OXR1: variants seen among roughly 807,000 people sequenced by gnomAD.
The protein encoded by OXR1 is oxidation resistance 1, also known as oxidation resistance protein 1.
A neutral mutation model predicts 104.6 loss-of-function variants in OXR1; 41 were observed. That is an observed-to-expected ratio of 0.39 (90% confidence interval 0.31 to 0.51). The LOEUF (loss-of-function observed/expected upper bound fraction) is 0.51, where lower values mean the gene tolerates loss of function less well. OXR1 is among the 20% of genes least tolerant of loss of function. The probability of loss-of-function intolerance (pLI) is 0.77; values close to 1 mark genes in which losing one functional copy is unlikely to be tolerated. For synonymous variants in OXR1, 348 were observed against 348.4 expected, an observed-to-expected ratio of 1.00 and a Z score of 0.01; for missense variants, 955 against 1,031.9, an observed-to-expected ratio of 0.93 and a Z score of 1.02.
intron 3 of OXR1, among the ~76,000 whole-genome samples, chr8:106,546,692 CA>C (rs1815385844): frequency 6.6e-6 from 1 of 152,066 alleles, no homozygotes; most frequent in Non-Finnish European, 1.5e-5. Flanking sequence ...CAGTGCTCTA[CA>C]TAAGGTAAGG....
intron 2 of OXR1, among the ~76,000 whole-genome samples, chr8:106,480,294 T>C (rs1468538836): frequency 6.6e-6 from 1 of 152,016 alleles, no homozygotes; most frequent in African/African-American, 2.4e-5. Context: ...TGTCCAATTA[T>C]CTTGCTTCTA....
intron 6 of OXR1, among the ~76,000 whole-genome samples, chr8:106,691,246 T>C (rs1255097376): frequency 1.3e-5 from 2 of 151,932 alleles, no homozygotes; most frequent in African/African-American, 4.8e-5. Context: ...AAAACAAAAT[T>C]ATGCAGGGAA....
chr8:106,286,753 T>C (rs1812518348), intron 1 of OXR1, among the ~76,000 whole-genome samples: 1 of 152,224 alleles, frequency 6.6e-6, no homozygotes. Flanking sequence ...GATACATTTA[T>C]TTCTCATAAA....
intron 2 of OXR1, among the ~76,000 whole-genome samples, chr8:106,500,638 T>C (rs1811747758): frequency 6.6e-6 from 1 of 152,222 alleles, no homozygotes; most frequent in Non-Finnish European, 1.5e-5. Flanking sequence ...TGAGAGGTTT[T>C]GTCTGTGGCT....
intron 3 of OXR1, among the ~76,000 whole-genome samples, chr8:106,594,597 C>T (rs1319107393): frequency 2.6e-5 from 4 of 152,070 alleles, no homozygotes; most frequent in South Asian, 2.1e-4. Flanking sequence ...AGTGTGAGTA[C>T]ATAATCTCTT....
chr8:106,738,844 G>A (rs1173368064), intron 12 of OXR1, among the ~76,000 whole-genome samples: 1 of 151,586 alleles, frequency 6.6e-6, no homozygotes, highest in African/African-American at 2.4e-5. Context: ...AAAATTTATT[G>A]TTTGGTCCAA....
chr8:106,667,981 GA>G (rs1036838580), intron 3 of OXR1, among the ~76,000 whole-genome samples: 121 of 148,300 alleles, frequency 8.2e-4, no homozygotes, highest in Middle Eastern at 3.6e-3. Context: ...AAAAAAAAAA[GA>G]AAAAAAATTA....
chr8:106,335,132 T>G (rs1452831586), intron 1 of OXR1, among the ~76,000 whole-genome samples: 1 of 152,144 alleles, frequency 6.6e-6, no homozygotes, highest in Admixed American at 6.6e-5. Flanking sequence ...GTCCTTTCCA[T>G]GTGTTGTTTC....
intron 1 of OXR1, among the ~76,000 whole-genome samples, chr8:106,321,810 A>G (rs1032644710): frequency 2.6e-5 from 4 of 152,222 alleles, no homozygotes; most frequent in African/African-American, 9.6e-5. Context: ...GGGAACTATC[A>G]AATAAGTATC....
At chr8:106,501,264 C>T (rs149218195) in intron 2 of OXR1, among the ~76,000 whole-genome samples, 2 of 152,270 alleles carry the variant, frequency 1.3e-5, no homozygotes, top group East Asian at 3.9e-4. Context: ...GCTAGGAAGA[C>T]AGGCAACTGC....
intron 3 of OXR1, among the ~76,000 whole-genome samples, chr8:106,567,426 G>A (rs1324656636): frequency 2.0e-5 from 3 of 152,122 alleles, no homozygotes; most frequent in African/African-American, 7.2e-5. Flanking sequence ...TTAGTTTAAT[G>A]CCATGGCTTT....
chr8:106,454,469 A>G (rs1820493667), intron 2 of OXR1, among the ~76,000 whole-genome samples: 1 of 150,832 alleles, frequency 6.6e-6, no homozygotes, highest in Admixed American at 6.6e-5. Context: ...TCAAAAAAAA[A>G]AAAAAGAAAA....
chr8:106,635,281 T>TAGC (rs1823033473), intron 3 of OXR1, among the ~76,000 whole-genome samples: 1 of 152,162 alleles, frequency 6.6e-6, no homozygotes, highest in Admixed American at 6.6e-5. Flanking sequence ...TCAAAGAAAA[T>TAGC]AGCAATAAGT....
intron 3 of OXR1, among the ~76,000 whole-genome samples, chr8:106,526,856 T>C (rs1813727222): frequency 6.6e-6 from 1 of 152,200 alleles, no homozygotes; most frequent in Non-Finnish European, 1.5e-5. Flanking sequence ...CTATTGTCTC[T>C]TCAGAGTGGT....
Position 106,337,346 on chromosome 8 carries a change from A to G in OXR1, c.-138-22130A>G, listed in dbSNP as rs560486504. On this transcript the variant is annotated intron_variant, in intron 1 of 16. Transcript: ENST00000517566. ...ATGTGACACTAGCATAAACTAAGAA[A>G]TATAGAGAGAAGGAAGGAAAGCCTG... Among the ~76,000 whole-genome samples, 17 of 152,364 alleles carry G rather than the reference A, an allele frequency of 1.1e-4. No homozygotes were observed. In the East Asian group the frequency reaches 2.5e-3, roughly 22 times the overall value.
chr8:106,529,389 T>C (rs1813926397), intron 3 of OXR1, among the ~76,000 whole-genome samples: 1 of 152,194 alleles, frequency 6.6e-6, no homozygotes, highest in Non-Finnish European at 1.5e-5. Flanking sequence ...TGAAACTACT[T>C]TCAACTCTAA....
chr8:106,630,882 C>A (rs1157929915), intron 3 of OXR1, among the ~76,000 whole-genome samples: 1 of 152,166 alleles, frequency 6.6e-6, no homozygotes, highest in East Asian at 1.9e-4. Flanking sequence ...GCACCAAAAC[C>A]CTGCTTCATG....
At chr8:106,498,970 GGCT>G (rs1811593752) in intron 2 of OXR1, among the ~76,000 whole-genome samples, 1 of 20,102 alleles carries the variant, frequency 5.0e-5, no homozygotes, top group African/African-American at 2.2e-4. Context: ...AGACCATCCT[GGCT>G]AACAAGGTGA....
At position 106,495,818 on chromosome 8, in the gene OXR1, A is replaced by G. The variant is rs571460985; in HGVS notation, c.24-23125A>G. ...TTTATAAAATACTTTAGAGATTGGA[A>G]TAAGTAACTTGTGTGTTTGTTTATT... is the stretch of plus-strand genomic sequence containing the variant. On this transcript the variant is annotated intron_variant, in intron 2 of 16. Transcript: ENST00000517566. 4.6e-5 allele frequency among the ~76,000 whole-genome samples: 7 copies of G among 152,306 alleles called. No individual in the cohort carries two copies. In the South Asian group the frequency reaches 1.4e-3, roughly 32 times the overall value.
Sources: allele counts gnomAD v4.1 joint callset (sites outside exome capture counted in the v4.1 genomes callset), GRCh38; gene constraint gnomAD v4.1.1; transcripts MANE v1.5; gene names NCBI Gene and HGNC (gene_info 2026-07-23, HGNC 2026-07-21).